GIT2: variants seen among roughly 807,000 people sequenced by gnomAD.
The protein encoded by GIT2 is ARF GTPase-activating protein GIT2.
Under a neutral mutation model 100.3 loss-of-function variants are expected in GIT2, and 32 were observed. The ratio of observed to expected loss-of-function variants is 0.32; its 90% CI spans 0.24 to 0.43. The LOEUF is 0.43. GIT2 is among the 20% of genes least tolerant of loss of function. The pLI is 1.00. For synonymous variants in GIT2, 353 were observed against 364.1 expected, an observed-to-expected ratio of 0.97 and a Z score of 0.35; for missense variants, 737 against 975.1, an observed-to-expected ratio of 0.76 and a Z score of 3.25.
At chr12:109,955,269 G>T (rs1199695779) in intron 12 of GIT2, among the ~76,000 whole-genome samples, 1 of 151,650 alleles carries the variant, frequency 6.6e-6, no homozygotes, top group Non-Finnish European at 1.5e-5. Context: ...GACTACAAGC[G>T]CCCGCCACCA....
intron 8 of GIT2, chr12:109,965,813 C>T (rs771158656): frequency 3.0e-6 from 2 of 657,900 alleles, no homozygotes; most frequent in Admixed American, 3.8e-5. Context: ...AAAAAATCGT[C>T]CACCAACTAA....
chr12:109,990,624 G>A (rs1163495619), intron 2 of GIT2, among the ~76,000 whole-genome samples: 1 of 152,170 alleles, frequency 6.6e-6, no homozygotes, highest in Non-Finnish European at 1.5e-5. Context: ...GATATGTGCA[G>A]CTGTCACAGA....
At chr12:109,983,308 T>G in intron 6 of GIT2, 65 bp downstream of exon 6, 1 of 1,455,538 alleles carries the variant, frequency 6.9e-7, no homozygotes, top group Non-Finnish European at 9.5e-7. Context: ...ACTTAGCTAC[T>G]TAACAAGGAA....
intron 17 of GIT2, 184 bp downstream of exon 17, chr12:109,938,981 T>A: frequency 1.7e-6 from 1 of 578,910 alleles, no homozygotes; most frequent in East Asian, 2.9e-5. Context: ...AAAAGGCCTT[T>A]CGGCAACAAT....
intron 12 of GIT2, among the ~76,000 whole-genome samples, chr12:109,955,709 G>C (rs1879237020): frequency 6.6e-6 from 1 of 151,640 alleles, no homozygotes; most frequent in Non-Finnish European, 1.5e-5. Context: ...ATGCTTGGGG[G>C]CCACTTTTTT....
upstream of GIT2, chr12:109,998,854 C>T (rs991250679): frequency 6.6e-6 from 1 of 152,138 alleles, no homozygotes; most frequent in Non-Finnish European, 1.5e-5. Flanking sequence ...AAGACCAGGG[C>T]AACTGCTCAG....
At chr12:109,990,786 A>G (rs1167952390) in intron 2 of GIT2, among the ~76,000 whole-genome samples, 1 of 152,236 alleles carries the variant, frequency 6.6e-6, no homozygotes, top group Non-Finnish European at 1.5e-5. Flanking sequence ...TTAACAGGGT[A>G]TTCTACATGC....
chr12:109,933,047 C>G lies in GIT2; in HGVS notation c.2211G>C (p.Gln737His). ...CAGCCTTGGCGATGTCGTACGCACA[C>G]TGGATGACCTGCTGCGTGACCAGCT... ...DVQLVTQQVI[Q>H]CAYDIAKAAK... Residue 737 changes from glutamine (Q) to histidine (H), a missense_variant, in exon 20 of 20, where the codon CAG (glutamine) becomes CAC (histidine). Around this residue, in one of 3 missense-constraint regions of GIT2, gnomAD observed 451 missense variants for 543.7 expected, o/e 0.83. Transcript: ENST00000355312. The surrounding 1 kb of genome is among the most constrained non-coding windows in gnomAD (Gnocchi z 4.5). 1 of 1,613,706 alleles carries G rather than the reference C, an allele frequency of 6.2e-7. No homozygotes were observed. The highest frequency in any genetic ancestry group is 8.5e-7 in the Non-Finnish European group (1 of 1,179,570).
At chr12:109,970,366 G>A (rs983610299) in intron 7 of GIT2, among the ~76,000 whole-genome samples, 3 of 152,052 alleles carry the variant, frequency 2.0e-5, no homozygotes, top group African/African-American at 4.8e-5. Flanking sequence ...GGTAGAGTGC[G>A]CCTGTAGTCC....
At chr12:109,938,707 A>C in intron 17 of GIT2, 139 bp from the exon 18 acceptor site, 1 of 599,636 alleles carries the variant, frequency 1.7e-6, no homozygotes. Context: ...CTAGCAGGAG[A>C]CTCATGGTAA....
intron 12 of GIT2, among the ~76,000 whole-genome samples, chr12:109,959,250 T>C (rs573595381): frequency 5.9e-5 from 9 of 152,056 alleles, no homozygotes; most frequent in African/African-American, 2.2e-4. Flanking sequence ...GTATTTTTAG[T>C]AGAGAGGTGG....
At chr12:109,945,906 G>A (rs1031201710) in intron 15 of GIT2, among the ~76,000 whole-genome samples, 6 of 152,014 alleles carry the variant, frequency 3.9e-5, no homozygotes, top group Admixed American at 1.3e-4. Context: ...AGGCTGAGGC[G>A]GGCGGATTGC....
At chr12:109,989,347 A>T (rs1593157033) in intron 3 of GIT2, among the ~76,000 whole-genome samples, 2 of 152,348 alleles carry the variant, frequency 1.3e-5, no homozygotes, top group South Asian at 2.1e-4. Flanking sequence ...AGCAGCATTT[A>T]GTCCCATCTT....
intron 2 of GIT2, among the ~76,000 whole-genome samples, chr12:109,991,032 G>A (rs898979348): frequency 2.6e-5 from 4 of 152,162 alleles, no homozygotes; most frequent in South Asian, 2.1e-4. Flanking sequence ...ACTACTGGCC[G>A]GGCGCGGTGG....
chr12:109,955,910 T>C (rs988786076), intron 12 of GIT2, among the ~76,000 whole-genome samples: 1 of 151,506 alleles, frequency 6.6e-6, no homozygotes, highest in Non-Finnish European at 1.5e-5. Flanking sequence ...AGATGGGGCC[T>C]TGCTATGTTG....
upstream of GIT2, among the ~76,000 whole-genome samples, chr12:109,997,133 G>A (rs995739538): frequency 2.0e-5 from 3 of 151,174 alleles, no homozygotes; most frequent in African/African-American, 4.9e-5. Flanking sequence ...TGAACCCAGG[G>A]GGTGGAGGTT....
At chr12:109,990,573 C>T (rs1232762449) in intron 2 of GIT2, among the ~76,000 whole-genome samples, 1 of 152,228 alleles carries the variant, frequency 6.6e-6, no homozygotes, top group Non-Finnish European at 1.5e-5. Context: ...GATACAAACC[C>T]ACTTGTTTTG....
intron 16 of GIT2, chr12:109,939,453 T>G (rs1873957269): frequency 1.3e-5 from 6 of 449,038 alleles, no homozygotes; most frequent in Non-Finnish European, 1.7e-5. Context: ...CATTTTCTTC[T>G]TAGCTCAGTG....
chr12:109,966,094 T>C (rs1210873244), intron 8 of GIT2, among the ~76,000 whole-genome samples: 3 of 151,398 alleles, frequency 2.0e-5, no homozygotes, highest in Non-Finnish European at 4.4e-5. Flanking sequence ...CACCAGGGTT[T>C]AAGCAATTCT....
Sources: gnomAD v4.1 joint callset for allele counts (sites outside exome capture counted in the v4.1 genomes callset) on GRCh38, gnomAD v4.1.1 for gene constraint, gnomAD v4.1.1 regional missense constraint, Gnocchi (gnomAD v3.1) non-coding constraint, MANE v1.5 for transcripts, NCBI Gene and HGNC (gene_info 2026-07-23, HGNC 2026-07-21) for gene names.